The following NFIB variants were observed in gnomAD, a reference collection of about 807,000 sequenced individuals.
NFIB encodes nuclear factor I B.
NFIB carries 11 observed loss-of-function variants against 61.5 expected under a neutral mutation model. The ratio of observed to expected loss-of-function variants is 0.18; its 90% CI spans 0.11 to 0.30. The LOEUF (loss-of-function observed/expected upper bound fraction) is 0.30, where lower values mean the gene tolerates loss of function less well. NFIB is among the 10% of genes least tolerant of loss of function. The pLI is 1.00. For missense variants in NFIB, 471 were observed against 608.9 expected, an observed-to-expected ratio of 0.77 and a Z score of 2.38; for synonymous variants, 260 against 216.5, an observed-to-expected ratio of 1.20 and a Z score of -1.76.
Position 14,220,847 on chromosome 9 carries a change from A to ACCCCCC in NFIB, c.563-41068_563-41067insGGGGGG, listed in dbSNP as rs1563915989. On this transcript the variant is annotated intron_variant, in intron 2 of 10. Coordinates refer to ENST00000380953, the MANE Select transcript of NFIB (RefSeq NM_001190737.2). ...TCCAGTGAAATCAATCTCCCTACAC[A>ACCCCCC]CACACACACACACACACACACACAC... 1.4e-4 allele frequency among the ~76,000 whole-genome samples: 13 copies of ACCCCCC among 94,496 alleles called. 1 individual carries two copies. In the East Asian group the frequency reaches 4.9e-3, roughly 36 times the overall value. 62.0% of individuals were successfully genotyped at this position (94,496 alleles called of 152,430 possible).
intron 2 of NFIB, among the ~76,000 whole-genome samples, chr9:14,252,298 TCATTA>T (rs1363751745): frequency 6.6e-6 from 1 of 152,210 alleles, no homozygotes; most frequent in African/African-American, 2.4e-5. Context: ...TTAATATTCC[TCATTA>T]CTTCTATGGC....
chr9:14,394,493 A>T lies in NFIB; in HGVS notation c.108+4031T>A, dbSNP rs377715745. ...TGTCTTACATGGTGGCAGGCAAAAG[A>T]GCTTGTGCAAGGGAACTCCCATTTA... On this transcript the variant is annotated intron_variant, in intron 1 of 8. Coordinates refer to the NFIB transcript ENST00000380934. Among the ~76,000 whole-genome samples the T allele has an allele frequency of 3.3e-5, 5 of 152,166 alleles. No individual in the cohort carries two copies. The East Asian group carries it at 7.7e-4, about 23-fold the overall frequency.
chr9:14,317,348 A>G (rs969821241), upstream of NFIB: 2 of 152,314 alleles, frequency 1.3e-5, no homozygotes, highest in African/African-American at 2.4e-5. Context: ...AGATCCAGGT[A>G]AGACCCCAGA....
intron 2 of NFIB, among the ~76,000 whole-genome samples, chr9:14,289,015 A>G (rs1163592727): frequency 2.0e-5 from 3 of 151,328 alleles, no homozygotes; most frequent in Non-Finnish European, 4.4e-5. Flanking sequence ...CCAAAATAAA[A>G]GGATTTAATA....
At chr9:14,448,050 A>G in the NFIB span, among the ~76,000 whole-genome samples, 19 of 152,198 alleles carry the variant, frequency 1.2e-4, no homozygotes, top group African/African-American at 4.6e-4. Context: ...AGAATCAAAA[A>G]AGTATATAAC....
At chr9:14,132,233 C>T (rs937630993) in intron 6 of NFIB, among the ~76,000 whole-genome samples, 2 of 152,112 alleles carry the variant, frequency 1.3e-5, no homozygotes, top group Non-Finnish European at 2.9e-5. Context: ...CTATTTCTAT[C>T]TGGTTAACAA....
At chr9:14,100,795 C>T (rs1433699055) in intron 10 of NFIB, among the ~76,000 whole-genome samples, 2 of 152,216 alleles carry the variant, frequency 1.3e-5, no homozygotes, top group Non-Finnish European at 2.9e-5. Context: ...GAGGTCTATC[C>T]TATTTTTAGA....
intron 10 of NFIB, among the ~76,000 whole-genome samples, chr9:14,092,289 G>A (rs963378641): frequency 2.6e-5 from 4 of 152,038 alleles, no homozygotes; most frequent in African/African-American, 9.7e-5. Context: ...CAGCACAAAG[G>A]CAAAACTTCC....
the NFIB span, among the ~76,000 whole-genome samples, chr9:14,465,050 T>C: frequency 2.1e-3 from 318 of 152,258 alleles, 1 homozygote; most frequent in African/African-American, 7.4e-3. Flanking sequence ...ATTAAGAATA[T>C]TGCTTGGTTG....
At chr9:14,232,266 C>G (rs1278985476) in intron 2 of NFIB, among the ~76,000 whole-genome samples, 1 of 152,098 alleles carries the variant, frequency 6.6e-6, no homozygotes, top group African/African-American at 2.4e-5. Context: ...CATACAAGAG[C>G]CACTTCTGGA....
At chr9:14,397,719 C>T (rs988745210) in intron 1 of NFIB, among the ~76,000 whole-genome samples, 4 of 152,192 alleles carry the variant, frequency 2.6e-5, no homozygotes, top group African/African-American at 9.7e-5. Context: ...TCATGCCTAA[C>T]CTTTACCCCA....
At chr9:14,142,758 A>C (rs1013964650) in intron 6 of NFIB, among the ~76,000 whole-genome samples, 2 of 152,184 alleles carry the variant, frequency 1.3e-5, no homozygotes, top group African/African-American at 4.8e-5. Flanking sequence ...CTATTCATTA[A>C]TCATTAAAAT....
chr9:14,292,049 T>A (rs904985626), intron 2 of NFIB, among the ~76,000 whole-genome samples: 2 of 151,422 alleles, frequency 1.3e-5, no homozygotes, highest in African/African-American at 4.9e-5. Context: ...GTCTCTTGAA[T>A]TAATTTATCT....
intron 2 of NFIB, among the ~76,000 whole-genome samples, chr9:14,248,854 C>A (rs2055247233): frequency 6.6e-6 from 1 of 152,168 alleles, no homozygotes; most frequent in African/African-American, 2.4e-5. Flanking sequence ...TAAGCCTTCA[C>A]TGTGGAAAGA....
chr9:14,234,898 T>G (rs2131978455), intron 2 of NFIB, among the ~76,000 whole-genome samples: 1 of 151,876 alleles, frequency 6.6e-6, no homozygotes. Flanking sequence ...GTGAAATCAC[T>G]GGATCAACCA....
intron 2 of NFIB, among the ~76,000 whole-genome samples, chr9:14,220,303 C>T (rs899400330): frequency 1.3e-5 from 2 of 152,222 alleles, no homozygotes; most frequent in African/African-American, 2.4e-5. Flanking sequence ...CTAATTAGTA[C>T]ACGCTTCATA....
At chr9:14,294,698 T>C (rs771735093) in intron 2 of NFIB, among the ~76,000 whole-genome samples, 9 of 152,206 alleles carry the variant, frequency 5.9e-5, no homozygotes, top group East Asian at 1.9e-4. Flanking sequence ...CTTTAACTAA[T>C]GGACAAACAG....
intron 6 of NFIB, among the ~76,000 whole-genome samples, chr9:14,143,861 T>C (rs911211692): frequency 6.6e-6 from 1 of 152,164 alleles, no homozygotes; most frequent in African/African-American, 2.4e-5. Context: ...AAGGACTGCA[T>C]TGGGCTTAGC....
At chr9:14,321,692 C>T (rs2060664214) in intron 1 of NFIB, among the ~76,000 whole-genome samples, 1 of 152,154 alleles carries the variant, frequency 6.6e-6, no homozygotes. Context: ...CTCACTGATT[C>T]CCGTCATAAG....
Sources: allele counts gnomAD v4.1 joint callset (sites outside exome capture counted in the v4.1 genomes callset), GRCh38; gene constraint gnomAD v4.1.1; transcripts MANE v1.5; gene names NCBI Gene and HGNC (gene_info 2026-07-23, HGNC 2026-07-21).